The following ODAD4 variants were observed in gnomAD, a reference collection of about 807,000 sequenced individuals.
ODAD4 encodes outer dynein arm docking complex subunit 4, also known as outer dynein arm-docking complex subunit 4.
Under a neutral mutation model 51.8 loss-of-function variants are expected in ODAD4, and 49 were observed. That is an observed-to-expected ratio of 0.95 (90% CI 0.75 to 1.20). The LOEUF is 1.20. Among genes scored for constraint, ODAD4 ranks in the 50% most tolerant of loss-of-function variants. The pLI is 0.00. For synonymous variants in ODAD4, 235 were observed against 221.3 expected (o/e 1.06, Z -0.55); for missense variants, 590 against 586.5 (o/e 1.01, Z -0.06).
intron 7 of ODAD4, among the ~76,000 whole-genome samples, chr17:41,942,002 G>A (rs781880920): frequency 6.6e-6 from 1 of 152,146 alleles, no homozygotes; most frequent in Non-Finnish European, 1.5e-5. Context: ...GTGCAATGGA[G>A]TGATCTCGGC....
intron 7 of ODAD4, among the ~76,000 whole-genome samples, chr17:41,940,483 CT>C (rs1309279142): frequency 1.3e-5 from 2 of 152,212 alleles, no homozygotes; most frequent in African/African-American, 2.4e-5. Context: ...GCCCCATATG[CT>C]TTCCATTCCC....
In ODAD4 at chr17:41,965,918, G is replaced by T. The variant is rs1376647586; in HGVS notation, c.*435G>T. On this transcript the variant is annotated 3_prime_UTR_variant, in exon 12 of 12. Transcript: ENST00000377540. ...TGGTGGGGCGGCCCCAGCTGTCACA[G>T]GTAGGAGAATGCCGCAAGCCAGAAC... Among the ~76,000 whole-genome samples the T allele has an allele frequency of 1.3e-5, 2 of 152,012 alleles. No individual in the cohort carries two copies. The highest frequency in any genetic ancestry group is 4.8e-5 in the African/African-American group (2 of 41,280).
At chr17:41,957,979 C>T (rs1376778385) in intron 10 of ODAD4, among the ~76,000 whole-genome samples, 3 of 152,022 alleles carry the variant, frequency 2.0e-5, no homozygotes, top group African/African-American at 7.2e-5. Context: ...CACTATATTG[C>T]CCAGGCTGGG....
intron 4 of ODAD4, 59 bp from the exon 5 acceptor site, chr17:41,936,703 T>C (rs1287145415): frequency 6.9e-6 from 11 of 1,598,932 alleles, no homozygotes; most frequent in Non-Finnish European, 9.4e-6. Flanking sequence ...CCTAGGGCCA[T>C]GGCTGGGTAC....
At chr17:41,954,345 C>A (rs782679649) in intron 9 of ODAD4, among the ~76,000 whole-genome samples, 1 of 151,998 alleles carries the variant, frequency 6.6e-6, no homozygotes, top group South Asian at 2.1e-4. Flanking sequence ...AAATCAATCA[C>A]TCAATCAATC....
chr17:41,932,007 C>A (rs559927996), intron 1 of ODAD4, among the ~76,000 whole-genome samples: 47 of 151,964 alleles, frequency 3.1e-4, no homozygotes, highest in African/African-American at 1.1e-3. Context: ...CTCACTGCAA[C>A]CTCCACCTCC....
At chr17:41,944,418 ACACACACACACACACACACACACACACCC>A (rs1478768670) in intron 7 of ODAD4, among the ~76,000 whole-genome samples, 561 of 13,388 alleles carry the variant, frequency 0.042, 18 homozygotes, top group South Asian at 0.36. Context: ...ACACACACAC[ACACACACACACACACACACACACACACCC>A]CCCCGCATAC....
intron 9 of ODAD4, among the ~76,000 whole-genome samples, chr17:41,950,076 T>C (rs2050633780): frequency 6.6e-6 from 1 of 151,728 alleles, no homozygotes; most frequent in African/African-American, 2.4e-5. Context: ...TTCAAGCGAT[T>C]CTCCTGCTTC....
rs782061644 is a variant in ODAD4 at position 41,938,721 on chromosome 17, A to T, written c.790A>T (p.Lys264Ter). The change falls in exon 6 of 12, where the codon AAA (lysine) becomes TAA (stop). Residue 264 changes from lysine (K) to a stop codon, truncating the protein, a stop_gained. Transcript: ENST00000377540. LOFTEE classifies it high-confidence loss of function. ...LMQEKWLRDHKRRPSQTAHYI... is the reference protein window; with the variant it reads ...LMQEKWLRDH ...GCAAGAGAAATGGCTGCGGGACCAC[A>T]AACGCCGTCCCTCACAGACAGCCCA... 2 of 1,613,862 alleles carry T rather than the reference A, an allele frequency of 1.2e-6. No homozygotes were observed. Among genetic ancestry groups the T allele is most frequent in the Non-Finnish European group, 1.7e-6 (2 of 1,179,896 alleles).
intron 7 of ODAD4, among the ~76,000 whole-genome samples, chr17:41,941,812 C>A (rs1344704662): frequency 6.6e-6 from 1 of 152,168 alleles, no homozygotes; most frequent in South Asian, 2.1e-4. Flanking sequence ...GCCTGCTGCC[C>A]CAGGGGTTAC....
At chr17:41,946,288 C>T (rs1555639528) in intron 8 of ODAD4, among the ~76,000 whole-genome samples, 1 of 152,180 alleles carries the variant, frequency 6.6e-6, no homozygotes, top group African/African-American at 2.4e-5. Context: ...AGGAAATGCC[C>T]TCTCCATGAC....
intron 1 of ODAD4, among the ~76,000 whole-genome samples, chr17:41,933,521 G>A (rs1009392940): frequency 4.1e-4 from 62 of 152,064 alleles, no homozygotes; most frequent in African/African-American, 1.5e-3. Flanking sequence ...ACGTGGTGGC[G>A]AGTGCCTGTA....
rs201768134 is a variant in ODAD4, at chr17:41,933,180, G to T, written c.115-2037G>T. ...GAAAAAAGAACACCCTGAGGGAAGGGTAGCCTTGGATGAGAAGCAGTCACT... is the reference window on the plus strand; with the variant it reads ...GAAAAAAGAACACCCTGAGGGAAGGTTAGCCTTGGATGAGAAGCAGTCACT... On this transcript the variant is annotated intron_variant, in intron 1 of 11. Transcript: ENST00000377540. Among the ~76,000 whole-genome samples the T allele has an allele frequency of 2.6e-5, 4 of 152,152 alleles. No homozygotes were observed. The East Asian group carries it at 7.7e-4, about 29-fold the overall frequency.
chr17:41,947,801 A>AAAAAT (rs1188493878), intron 8 of ODAD4, among the ~76,000 whole-genome samples: 161 of 150,076 alleles, frequency 1.1e-3, no homozygotes, highest in Non-Finnish European at 1.7e-3. Flanking sequence ...GTCTCAAAGA[A>AAAAAT]AAAATAAAAT....
chr17:41,940,714 G>A (rs1179633815), intron 7 of ODAD4, among the ~76,000 whole-genome samples: 1 of 152,076 alleles, frequency 6.6e-6, no homozygotes, highest in African/African-American at 2.4e-5. Flanking sequence ...AGGGACTGTG[G>A]GGATTAGATG....
intron 5 of ODAD4, among the ~76,000 whole-genome samples, 179 bp from the exon 6 acceptor site, chr17:41,938,378 G>T (rs1201793083): frequency 2.0e-5 from 3 of 152,168 alleles, no homozygotes; most frequent in Non-Finnish European, 1.5e-5. Flanking sequence ...GGCTCTGGCT[G>T]CCTCCTGGCC....
At chr17:41,952,623 G>A in intron 9 of ODAD4, 1 of 502,878 alleles carries the variant, frequency 2.0e-6, no homozygotes, top group Non-Finnish European at 4.0e-6. Flanking sequence ...ATAAGCATGT[G>A]ACTCTTCTGC....
At chr17:41,961,167 C>G (rs2050800849) in intron 10 of ODAD4, among the ~76,000 whole-genome samples, 1 of 152,238 alleles carries the variant, frequency 6.6e-6, no homozygotes, top group Admixed American at 6.5e-5. Context: ...ATTTGACTGA[C>G]TCGCAGTCAT....
intron 1 of ODAD4, among the ~76,000 whole-genome samples, chr17:41,933,284 G>A (rs933341016): frequency 8.6e-5 from 13 of 151,904 alleles, no homozygotes; most frequent in Admixed American, 3.9e-4. Context: ...AGGAGACAGA[G>A]GGTTGCAGTG....
Sources: allele counts gnomAD v4.1 joint callset (sites outside exome capture counted in the v4.1 genomes callset), GRCh38; gene constraint gnomAD v4.1.1; transcripts MANE v1.5; gene names NCBI Gene and HGNC (gene_info 2026-07-23, HGNC 2026-07-21).